The following DEPTOR variants were observed in gnomAD, a reference collection of about 807,000 sequenced individuals.
The protein encoded by DEPTOR is DEP domain containing MTOR interacting protein.
DEPTOR carries 41 observed loss-of-function variants against 41.6 expected under a neutral mutation model. That is an observed-to-expected ratio of 0.98 (90% CI 0.77 to 1.28). DEPTOR has a LOEUF of 1.28. Among genes scored for constraint, DEPTOR ranks in the 50% most tolerant of loss-of-function variants. The probability of loss-of-function intolerance (pLI) is 0.00; values close to 1 mark genes in which losing one functional copy is unlikely to be tolerated. For synonymous variants in DEPTOR, 195 were observed against 192.3 expected (o/e 1.01, Z -0.12); for missense variants, 514 against 527.9 (o/e 0.97, Z 0.26).
intron 4 of DEPTOR, among the ~76,000 whole-genome samples, chr8:119,975,633 TA>T (rs1249384227): frequency 6.6e-6 from 1 of 152,080 alleles, no homozygotes; most frequent in Non-Finnish European, 1.5e-5. Flanking sequence ...ATTTTCAGTA[TA>T]CTGACTTATC....
intron 1 of DEPTOR, among the ~76,000 whole-genome samples, chr8:119,914,183 C>A (rs185653616): frequency 4.6e-4 from 68 of 148,496 alleles, no homozygotes; most frequent in African/African-American, 1.6e-3. Context: ...GTAGCTGGGA[C>A]GACAGGCGAG....
chr8:119,904,741 C>T lies in DEPTOR; in HGVS notation c.123-23659C>T, dbSNP rs560884418. ...GAACTCCTGACCTCAGGTGATCCACCTACCTCGGCCTCCCAAAGTGCTGGG... is the reference window on the plus strand; with the variant it reads ...GAACTCCTGACCTCAGGTGATCCACTTACCTCGGCCTCCCAAAGTGCTGGG... On this transcript the variant is annotated intron_variant, in intron 1 of 8. Transcript: ENST00000286234. Among the ~76,000 whole-genome samples, 134 of 152,074 alleles carry T rather than the reference C, an allele frequency of 8.8e-4. 1 individual carries two copies. The highest frequency in any genetic ancestry group is 3.1e-3 in the African/African-American group (129 of 41,498).
Position 120,006,855 on chromosome 8 carries a change from TATGCAAGGA to T in DEPTOR, c.978_986del (p.Tyr326_Lys329delinsTer). 1.2e-6 allele frequency: 2 copies of T among 1,614,182 alleles called. No individual in the cohort carries two copies. The highest frequency in any genetic ancestry group is 2.2e-5 in the South Asian group (2 of 91,082). On this transcript the variant is annotated stop_gained and inframe_deletion, in exon 7 of 9. Transcript: ENST00000286234. LOFTEE classifies it high-confidence loss of function. Reference sequence around the variant, plus strand: ...GGAACTCCTTACTCCCGGGGCTCCGTATGCAAGGAAGACATTCACGGTAGGCTGATGGTC... The same window carrying T: ...GGAACTCCTTACTCCCGGGGCTCCGTAGACATTCACGGTAGGCTGATGGTC...
intron 8 of DEPTOR, among the ~76,000 whole-genome samples, chr8:120,035,942 C>T (rs1483674435): frequency 1.3e-5 from 2 of 152,174 alleles, no homozygotes; most frequent in South Asian, 2.1e-4. Flanking sequence ...CATGAGCTGC[C>T]GATGGGAAGG....
intron 3 of DEPTOR, among the ~76,000 whole-genome samples, chr8:119,931,557 C>T (rs1462347221): frequency 6.6e-6 from 1 of 152,204 alleles, no homozygotes; most frequent in Admixed American, 6.5e-5. Flanking sequence ...CCACCCTCGA[C>T]TGTGTCCTTC....
In DEPTOR at chr8:120,027,506, A is replaced by T. The variant is rs1812816980; in HGVS notation, c.1101+18373A>T. Among the ~76,000 whole-genome samples the T allele has an allele frequency of 2.0e-5, 3 of 151,444 alleles. No homozygotes were observed. In the South Asian group the frequency reaches 6.3e-4, roughly 32 times the overall value. The stretch of plus-strand genomic sequence containing the variant: ...GATCACCTGAGGTCAGGAGTTTGAG[A>T]CCAGCCTGGCCAACATGGTGAAACC... On this transcript the variant is annotated intron_variant, in intron 8 of 8. Transcript: ENST00000286234.
chr8:119,955,109 C>T (rs538044554), intron 3 of DEPTOR, among the ~76,000 whole-genome samples: 78 of 152,188 alleles, frequency 5.1e-4, no homozygotes, highest in Admixed American at 3.1e-3. Context: ...CTAACCACCT[C>T]GGCCTCCCAA....
At chr8:119,901,213 T>A (rs891431370) in intron 1 of DEPTOR, among the ~76,000 whole-genome samples, 1 of 152,232 alleles carries the variant, frequency 6.6e-6, no homozygotes, top group African/African-American at 2.4e-5. Context: ...ATTAACTTTC[T>A]ATTGGTCTTT....
intron 4 of DEPTOR, among the ~76,000 whole-genome samples, chr8:119,991,525 CCAGGCTGGT>C (rs1812173715): frequency 6.6e-6 from 1 of 152,118 alleles, no homozygotes; most frequent in Non-Finnish European, 1.5e-5. Context: ...GCTGAGTTGG[CCAGGCTGGT>C]CTCGAACTCC....
chr8:119,926,714 T>G (rs919296414), intron 1 of DEPTOR, among the ~76,000 whole-genome samples: 1 of 152,236 alleles, frequency 6.6e-6, no homozygotes, highest in Non-Finnish European at 1.5e-5. Context: ...ATTTTCCTGA[T>G]ATCACTGATA....
intron 1 of DEPTOR, among the ~76,000 whole-genome samples, chr8:119,890,302 G>GTTTGTTA (rs1827436698): frequency 1.7e-5 from 1 of 57,280 alleles, no homozygotes; most frequent in African/African-American, 5.8e-5. Context: ...TTTGTTTGTT[G>GTTTGTTA]TTGTTGTTGT....
At position 119,928,431 on chromosome 8, in the gene DEPTOR, G is replaced by C. The variant is rs1005713882; in HGVS notation, c.154G>C (p.Asp52His). ...LRLHEEKVIK[D>H]RRHHLKTYPN... ...GCTGCACGAAGAAAAGGTTATTAAA[G>C]ATAGACGTCATCATCTCAAGACCTA... Residue 52 changes from aspartate (D) to histidine (H), a missense_variant, in exon 2 of 9, where the codon GAT (aspartate) becomes CAT (histidine). Asp to His is a moderately conservative substitution (Grantham distance 81). Coordinates refer to ENST00000286234, the MANE Select transcript of DEPTOR (RefSeq NM_022783.4). 8 of 1,613,984 alleles carry C rather than the reference G, an allele frequency of 5.0e-6. No homozygotes were observed. Among genetic ancestry groups the C allele is most frequent in the Non-Finnish European group, 5.9e-6 (7 of 1,179,944 alleles).
chr8:119,984,753 G>C (rs1321597130), intron 4 of DEPTOR, among the ~76,000 whole-genome samples: 2 of 152,192 alleles, frequency 1.3e-5, no homozygotes, highest in African/African-American at 4.8e-5. Flanking sequence ...CTTTATAATA[G>C]AAAGATTTAC....
intron 3 of DEPTOR, among the ~76,000 whole-genome samples, chr8:119,931,702 T>A (rs1303602271): frequency 6.6e-6 from 1 of 152,218 alleles, no homozygotes; most frequent in African/African-American, 2.4e-5. Context: ...CTCATCTTTC[T>A]GACTCACATG....
At chr8:119,937,497 G>T (rs1472453082) in intron 3 of DEPTOR, among the ~76,000 whole-genome samples, 2 of 152,106 alleles carry the variant, frequency 1.3e-5, no homozygotes, top group Admixed American at 6.5e-5. Flanking sequence ...GAATGTTCCC[G>T]GCCTTCTTGG....
intron 8 of DEPTOR, among the ~76,000 whole-genome samples, chr8:120,031,945 G>T (rs1197734386): frequency 1.3e-5 from 2 of 152,094 alleles, no homozygotes; most frequent in South Asian, 2.1e-4. Flanking sequence ...GGACCTGGTG[G>T]TGAGCTGAGG....
chr8:119,909,722 T>C (rs1388040674), intron 1 of DEPTOR, among the ~76,000 whole-genome samples: 2 of 152,250 alleles, frequency 1.3e-5, no homozygotes, highest in African/African-American at 4.8e-5. Flanking sequence ...TACAAACTAT[T>C]CATAACCAAT....
At chr8:119,917,498 T>C (rs1056280937) in intron 1 of DEPTOR, among the ~76,000 whole-genome samples, 6 of 152,214 alleles carry the variant, frequency 3.9e-5, no homozygotes, top group Non-Finnish European at 5.9e-5. Context: ...GTGCAAGATG[T>C]GCTTTGTTAA....
At chr8:120,004,209 A>G (rs1056347368) in intron 6 of DEPTOR, among the ~76,000 whole-genome samples, 5 of 152,218 alleles carry the variant, frequency 3.3e-5, no homozygotes, top group African/African-American at 1.2e-4. Flanking sequence ...TCTGTCATCT[A>G]ATGGTATTAT....
Sources: allele counts gnomAD v4.1 joint callset (sites outside exome capture counted in the v4.1 genomes callset), GRCh38; gene constraint gnomAD v4.1.1; transcripts MANE v1.5; gene names NCBI Gene and HGNC (gene_info 2026-07-23, HGNC 2026-07-21).